The following MID2 variants were observed in gnomAD, a reference collection of about 807,000 sequenced individuals.
The protein encoded by MID2 is probable E3 ubiquitin-protein ligase MID2.
MID2 carries 13 observed loss-of-function variants against 46.1 expected under a neutral mutation model. The ratio of observed to expected loss-of-function variants is 0.28; its 90% CI spans 0.18 to 0.45. The LOEUF is 0.45. Ranked by LOEUF, MID2 falls within the 20% of genes least tolerant of loss-of-function variation. MID2 has a pLI of 1.00. For synonymous variants in MID2, 199 were observed against 212.3 expected (o/e 0.94, Z 0.55); for missense variants, 431 against 575.4 (o/e 0.75, Z 2.57).
intron 1 of MID2, among the ~76,000 whole-genome samples, chrX:107,836,587 C>T (rs1931212055): frequency 9.1e-6 from 1 of 109,389 alleles, no homozygotes; most frequent in South Asian, 3.9e-4. Flanking sequence ...TAATACCTAC[C>T]TTTTAGAGAG....
rs1169479467 is a variant in MID2, at chrX:107,911,637, T to C, written c.1074-4365T>C. On this transcript the variant is annotated intron_variant, in intron 5 of 9. Transcript: ENST00000262843. ...TCTCTGTTAGTTTAAATTGCTGTCT[T>C]TTCCTAAATATCTGGCAAACTACTG... 3.6e-5 allele frequency among the ~76,000 whole-genome samples: 4 copies of C among 112,285 alleles called. No homozygotes were observed. In the Admixed American group the frequency reaches 3.8e-4, roughly 11 times the overall value.
chrX:107,893,844 G>T (rs1191836691), intron 3 of MID2, among the ~76,000 whole-genome samples: 1 of 112,930 alleles, frequency 8.9e-6, no homozygotes, highest in Non-Finnish European at 1.9e-5. Flanking sequence ...ATCTAATGAT[G>T]TCCTTTTGCC....
chrX:107,878,610 G>A (rs768005468), intron 3 of MID2, among the ~76,000 whole-genome samples: 199 of 112,258 alleles, frequency 1.8e-3, no homozygotes, highest in Non-Finnish European at 2.9e-3. Context: ...ATTGGGGATG[G>A]GGTCCAGTTC....
chrX:107,890,753 C>T (rs954118926), intron 3 of MID2, among the ~76,000 whole-genome samples: 2 of 111,773 alleles, frequency 1.8e-5, no homozygotes, highest in Admixed American at 9.5e-5. Context: ...CCTTGAGCTG[C>T]GGTGGGCTCC....
At chrX:107,890,623 G>T (rs1357082891) in intron 3 of MID2, among the ~76,000 whole-genome samples, 3 of 112,182 alleles carry the variant, frequency 2.7e-5, no homozygotes, top group Non-Finnish European at 5.6e-5. Flanking sequence ...TGTGCTGGGA[G>T]AACCACTCCT....
intron 3 of MID2, among the ~76,000 whole-genome samples, chrX:107,898,255 A>G: frequency 8.9e-6 from 1 of 112,302 alleles, no homozygotes; most frequent in South Asian, 3.7e-4. Context: ...TCCATAATAT[A>G]TCTCCAACCC....
At chrX:107,912,338 G>C (rs375216395) in intron 5 of MID2, among the ~76,000 whole-genome samples, 33 of 111,858 alleles carry the variant, frequency 3.0e-4, no homozygotes, top group African/African-American at 1.0e-3. Flanking sequence ...AATAATCTCT[G>C]CTCTCCAACC....
intron 3 of MID2, among the ~76,000 whole-genome samples, chrX:107,871,377 C>T (rs893245639): frequency 6.3e-5 from 7 of 111,338 alleles, no homozygotes; most frequent in Admixed American, 9.5e-5. Flanking sequence ...CTGGGGCAAG[C>T]GCTTTTGGGT....
At chrX:107,889,844 T>C (rs1391375603) in intron 3 of MID2, among the ~76,000 whole-genome samples, 1 of 111,605 alleles carries the variant, frequency 9.0e-6, no homozygotes, top group East Asian at 2.8e-4. Flanking sequence ...TCTAAACTTC[T>C]CTTCTCACTT....
At chrX:107,923,267 G>A (rs912262100) in intron 7 of MID2, among the ~76,000 whole-genome samples, 3 of 111,995 alleles carry the variant, frequency 2.7e-5, no homozygotes, top group African/African-American at 9.7e-5. Context: ...CTACCCTCTA[G>A]TAGAACTGTG....
intron 3 of MID2, among the ~76,000 whole-genome samples, chrX:107,896,597 C>A (rs1453424098): frequency 7.1e-5 from 8 of 112,149 alleles, no homozygotes; most frequent in Non-Finnish European, 1.3e-4. Context: ...AAAGTACATA[C>A]AAAATATATG....
chrX:107,880,046 G>A (rs1440205368), intron 3 of MID2, among the ~76,000 whole-genome samples: 1 of 107,914 alleles, frequency 9.3e-6, no homozygotes, highest in African/African-American at 3.4e-5. Flanking sequence ...GACTTATCAA[G>A]CAGAAGAATT....
Position 107,905,582 on chromosome X carries a change from T to A in MID2, c.1029T>A (p.Asn343Lys), listed in dbSNP as rs766094742. The A allele has an allele frequency of 1.7e-6, 2 of 1,207,921 alleles. No homozygotes were observed. The highest frequency in any genetic ancestry group is 2.2e-6 in the Non-Finnish European group (2 of 893,586). The part of the protein sequence containing the change: ...INQAEHILKE[N>K]DQARFLQSAK... Reference sequence around the variant, plus strand: ...AAGCTGAGCATATCCTGAAAGAAAATGACCAGGCACGGTTTCTACAGTCTG... The same window carrying A: ...AAGCTGAGCATATCCTGAAAGAAAAAGACCAGGCACGGTTTCTACAGTCTG... The change falls in exon 5 of 10, where the codon AAT becomes AAA. Residue 343 changes from asparagine (N) to lysine (K), a missense_variant. Coordinates refer to ENST00000262843, the MANE Select transcript of MID2 (RefSeq NM_012216.4).
At chrX:107,921,972 A>G (rs1337340203) in intron 7 of MID2, among the ~76,000 whole-genome samples, 1 of 111,878 alleles carries the variant, frequency 8.9e-6, no homozygotes, top group Non-Finnish European at 1.9e-5. Context: ...CCAAGACCTG[A>G]GTGCTAGATA....
intron 3 of MID2, among the ~76,000 whole-genome samples, chrX:107,894,119 C>T (rs1932661844): frequency 8.9e-6 from 1 of 111,914 alleles, no homozygotes; most frequent in Non-Finnish European, 1.9e-5. Flanking sequence ...CCTGTGCATA[C>T]TTTCATCATA....
chrX:107,928,064 C>G lies in MID2; in HGVS notation c.*991C>G, dbSNP rs1933217102. The stretch of plus-strand genomic sequence containing the variant: ...ATAGACTATTAAAAAAAAAGTTTTA[C>G]TACTCCCAAGTACACACAGTTATGA... On this transcript the variant is annotated 3_prime_UTR_variant, in exon 10 of 10. Coordinates refer to ENST00000262843, the MANE Select transcript of MID2 (RefSeq NM_012216.4). Among the ~76,000 whole-genome samples the G allele has an allele frequency of 9.0e-6, 1 of 111,432 alleles. No homozygotes were observed. The highest frequency in any genetic ancestry group is 1.9e-5 in the Non-Finnish European group (1 of 53,038).
intron 3 of MID2, among the ~76,000 whole-genome samples, chrX:107,872,154 T>C (rs1019722362): frequency 9.0e-6 from 1 of 111,645 alleles, no homozygotes. Context: ...GTCAGATTCC[T>C]CCCCAAGGTC....
At chrX:107,877,697 C>T (rs760602045) in intron 3 of MID2, among the ~76,000 whole-genome samples, 23 of 111,843 alleles carry the variant, frequency 2.1e-4, no homozygotes, top group Middle Eastern at 9.2e-3. Context: ...TTATCTATGC[C>T]GTGGAGCATG....
At chrX:107,833,834 C>T (rs1244035163) in intron 1 of MID2, among the ~76,000 whole-genome samples, 5 of 110,982 alleles carry the variant, frequency 4.5e-5, no homozygotes, top group African/African-American at 1.6e-4. Context: ...CATGCTGTCA[C>T]CCAGGATGGA....
Sources: allele counts gnomAD v4.1 joint callset (sites outside exome capture counted in the v4.1 genomes callset), GRCh38; gene constraint gnomAD v4.1.1; transcripts MANE v1.5; gene names NCBI Gene and HGNC (gene_info 2026-07-23, HGNC 2026-07-21).